The following DOCK8 variants were observed in gnomAD, a reference collection of about 807,000 sequenced individuals.
DOCK8 encodes dedicator of cytokinesis 8.
In DOCK8, 141 loss-of-function variants were observed where a neutral mutation model predicts 245.6. The observed-to-expected ratio is 0.57, with a 90% CI of 0.50 to 0.66. The LOEUF (loss-of-function observed/expected upper bound fraction) is 0.66, where lower values mean the gene tolerates loss of function less well. DOCK8 is among the 30% of genes least tolerant of loss of function. The probability of loss-of-function intolerance (pLI) is 0.00; values close to 1 mark genes in which losing one functional copy is unlikely to be tolerated. For synonymous variants in DOCK8, 1,168 were observed against 970.2 expected, an observed-to-expected ratio of 1.20 and a Z score of -3.79; for missense variants, 2,965 against 2,603.4, an observed-to-expected ratio of 1.14 and a Z score of -3.02.
At chr9:229,562 T>C (rs1007349382) in intron 1 of DOCK8, among the ~76,000 whole-genome samples, 1 of 152,174 alleles carries the variant, frequency 6.6e-6, no homozygotes, top group African/African-American at 2.4e-5. Context: ...AATTGCCACA[T>C]GTCCCCAAAG....
rs547517136 is a variant in DOCK8 at position 284,653 on chromosome 9, T to G, written c.157-1808T>G. 2.6e-5 allele frequency: 4 copies of G among 152,344 alleles called. No individual in the cohort carries two copies. In the South Asian group the frequency reaches 8.3e-4, roughly 32 times the overall value. The allele number at this position is 152,344 out of a possible 1,614,324, so 9.4% of individuals were successfully genotyped here. On this transcript the variant is annotated intron_variant, in intron 2 of 47. Transcript: ENST00000432829. Reference sequence around the variant, plus strand: ...AAGACACACGCGTGTGAATGTTTATTGCAACACTATTCACAATAGCAAAGA... The same window carrying G: ...AAGACACACGCGTGTGAATGTTTATGGCAACACTATTCACAATAGCAAAGA...
chr9:440,220 C>G (rs1209341919), intron 40 of DOCK8, among the ~76,000 whole-genome samples: 1 of 152,092 alleles, frequency 6.6e-6, no homozygotes, highest in Non-Finnish European at 1.5e-5. Context: ...GGATTTCACC[C>G]TGTTGGCCAG....
intron 27 of DOCK8, among the ~76,000 whole-genome samples, chr9:406,630 G>T (rs1169232479): frequency 6.6e-6 from 1 of 152,072 alleles, no homozygotes; most frequent in Admixed American, 6.6e-5. Context: ...TTTATGCTAG[G>T]ATTTTTATCT....
chr9:435,125 T>TC, intron 39 of DOCK8, 150 bp downstream of exon 39: 2 of 886,316 alleles, frequency 2.3e-6, no homozygotes, highest in Non-Finnish European at 3.6e-6. Context: ...ATCTGACTGG[T>TC]AGAAGCCAGG....
chr9:400,454 T>C (rs62644260), intron 26 of DOCK8, among the ~76,000 whole-genome samples: 20 of 1,096 alleles, frequency 0.018, no homozygotes, highest in South Asian at 0.25. Flanking sequence ...ACCACCAGCA[T>C]CTTCACCATC....
chr9:393,933 A>T (rs1027525036), intron 24 of DOCK8, among the ~76,000 whole-genome samples: 1 of 152,220 alleles, frequency 6.6e-6, no homozygotes, highest in Non-Finnish European at 1.5e-5. Context: ...AGCAGCTGGC[A>T]GAAGCCTTTC....
At chr9:335,370 G>C (rs1256243561) in intron 11 of DOCK8, among the ~76,000 whole-genome samples, 3 of 152,142 alleles carry the variant, frequency 2.0e-5, no homozygotes, top group African/African-American at 4.8e-5. Context: ...ACCAAATATA[G>C]AAGTCCATGT....
chr9:211,685 C>T (rs2046621906), upstream of DOCK8, among the ~76,000 whole-genome samples: 1 of 151,964 alleles, frequency 6.6e-6, no homozygotes, highest in Non-Finnish European at 1.5e-5. Flanking sequence ...AAAGTTAGAG[C>T]TGACGTATTT....
At chr9:247,392 G>C (rs987170852) in intron 1 of DOCK8, among the ~76,000 whole-genome samples, 6 of 152,170 alleles carry the variant, frequency 3.9e-5, no homozygotes. Flanking sequence ...TCTTTTAACT[G>C]AGAGGGTATT....
At chr9:228,257 C>G (rs2047030973) in intron 1 of DOCK8, among the ~76,000 whole-genome samples, 1 of 151,822 alleles carries the variant, frequency 6.6e-6, no homozygotes, top group African/African-American at 2.4e-5. Flanking sequence ...TGTTTTATTC[C>G]CAAAAAAAAC....
At chr9:255,963 C>G (rs1563845057) in intron 1 of DOCK8, among the ~76,000 whole-genome samples, 1 of 152,108 alleles carries the variant, frequency 6.6e-6, no homozygotes, top group Non-Finnish European at 1.5e-5. Flanking sequence ...AACAAATATC[C>G]TAATAGTTGT....
At chr9:372,718 C>T (rs1054303133) in intron 18 of DOCK8, among the ~76,000 whole-genome samples, 1 of 152,164 alleles carries the variant, frequency 6.6e-6, no homozygotes, top group Non-Finnish European at 1.5e-5. Context: ...ATCCCAATGC[C>T]AATAGCCTTT....
intron 29 of DOCK8, 32 bp downstream of exon 29, chr9:414,983 G>C (rs930902637): frequency 6.2e-7 from 1 of 1,611,870 alleles, no homozygotes; most frequent in Non-Finnish European, 8.5e-7. Flanking sequence ...TTCTTGGATT[G>C]TTGGGGGCCC....
rs12340920 is a variant in DOCK8, at chr9:338,906, G to T, written c.1423-100G>T. 9.8e-6 allele frequency: 9 copies of T among 919,140 alleles called. No individual in the cohort carries two copies. The South Asian group carries it at 1.2e-4, about 13-fold the overall frequency. 56.9% of individuals were successfully genotyped at this position (919,140 alleles called of 1,614,324 possible). ...ATCCTAATTTCTATGAAAGACTTGT[G>T]AGAATAAAACTTAAAGGTAAAAATC... On this transcript the variant is annotated intron_variant, in intron 12 of 47. Coordinates refer to ENST00000432829, the MANE Select transcript of DOCK8 (RefSeq NM_203447.4).
intron 34 of DOCK8, 105 bp from the exon 35 acceptor site, chr9:428,257 C>A: frequency 6.3e-7 from 1 of 1,576,836 alleles, no homozygotes; most frequent in Non-Finnish European, 8.7e-7. Context: ...TCTTAAGACT[C>A]ACCACTGGAC....
chr9:267,738 T>C (rs2048069184), intron 1 of DOCK8, among the ~76,000 whole-genome samples: 1 of 152,356 alleles, frequency 6.6e-6, no homozygotes, highest in African/African-American at 2.4e-5. Flanking sequence ...ATTTTTGTCA[T>C]TTTAAATGGA....
chr9:251,955 G>A (rs745949484), intron 1 of DOCK8, among the ~76,000 whole-genome samples: 3 of 150,146 alleles, frequency 2.0e-5, no homozygotes, highest in African/African-American at 4.9e-5. Flanking sequence ...GTGCAGAAGC[G>A]AGAGCAATTG....
At chr9:242,035 C>A (rs531245705) in intron 1 of DOCK8, among the ~76,000 whole-genome samples, 1 of 152,150 alleles carries the variant, frequency 6.6e-6, no homozygotes, top group Non-Finnish European at 1.5e-5. Context: ...TAATTCAGGT[C>A]TTCTTTTGCC....
intron 14 of DOCK8, among the ~76,000 whole-genome samples, chr9:350,886 C>CCCGT (rs2052134267): frequency 6.6e-6 from 1 of 152,130 alleles, no homozygotes; most frequent in Non-Finnish European, 1.5e-5. Context: ...GCTGTGGACC[C>CCCGT]CCGTCCTGTT....
Sources: gnomAD v4.1 joint callset for allele counts (sites outside exome capture counted in the v4.1 genomes callset) on GRCh38, gnomAD v4.1.1 for gene constraint, MANE v1.5 for transcripts, NCBI Gene and HGNC (gene_info 2026-07-23, HGNC 2026-07-21) for gene names.